KLF8: variants seen among roughly 807,000 people sequenced by gnomAD.
The protein encoded by KLF8 is Krueppel-like factor 8.
KLF8 carries 10 observed loss-of-function variants against 18.2 expected under a neutral mutation model. That is an observed-to-expected ratio of 0.55 (90% CI 0.34 to 0.93). The LOEUF (loss-of-function observed/expected upper bound fraction) is 0.93, where lower values mean the gene tolerates loss of function less well. Ranked by LOEUF, KLF8 falls within the 40% of genes least tolerant of loss-of-function variation. The pLI, the probability that KLF8 is intolerant of heterozygous loss-of-function variation, is 0.02. For synonymous variants in KLF8, 109 were observed against 97.3 expected (o/e 1.12, Z -0.71); for missense variants, 264 against 277.9 (o/e 0.95, Z 0.36).
the KLF8 span, among the ~76,000 whole-genome samples, chrX:56,226,706 T>A: frequency 1.8e-5 from 2 of 112,413 alleles, no homozygotes; most frequent in Middle Eastern, 9.2e-3. Flanking sequence ...TAAACAGGTA[T>A]CGTTGCTTAT....
the KLF8 span, among the ~76,000 whole-genome samples, chrX:56,144,218 C>T: frequency 1.8e-5 from 2 of 111,345 alleles, no homozygotes; most frequent in African/African-American, 3.3e-5. Flanking sequence ...AAAACAGGAA[C>T]TCATAGGAGA....
the KLF8 span, among the ~76,000 whole-genome samples, chrX:56,058,175 T>TATAC: frequency 4.4e-5 from 4 of 91,019 alleles, no homozygotes; most frequent in Admixed American, 1.3e-4. Flanking sequence ...TATATATATA[T>TATAC]ACACACATAT....
intron 1 of KLF8, among the ~76,000 whole-genome samples, chrX:56,238,144 G>A (rs2066500285): frequency 9.0e-6 from 1 of 111,420 alleles, no homozygotes; most frequent in African/African-American, 3.3e-5. Flanking sequence ...TTTAAAAGTT[G>A]GTTGATTGCC....
At chrX:56,165,873 A>G in the KLF8 span, among the ~76,000 whole-genome samples, 1 of 110,134 alleles carries the variant, frequency 9.1e-6, no homozygotes, top group Non-Finnish European at 1.9e-5. Flanking sequence ...AAAAAAAAAA[A>G]GCCTTCTTGA....
the KLF8 span, among the ~76,000 whole-genome samples, chrX:56,167,570 A>G: frequency 3.6e-5 from 4 of 112,110 alleles, no homozygotes; most frequent in Non-Finnish European, 5.6e-5. Context: ...AGAGCCAACT[A>G]GGAAACCCCC....
chrX:56,249,528 G>C (rs1338770331), intron 1 of KLF8, among the ~76,000 whole-genome samples: 1 of 111,571 alleles, frequency 9.0e-6, no homozygotes, highest in African/African-American at 3.3e-5. Context: ...TTCCATGGAA[G>C]CCTTAGGGTT....
chrX:56,087,799 G>A, the KLF8 span, among the ~76,000 whole-genome samples: 65 of 111,275 alleles, frequency 5.8e-4, no homozygotes, highest in Non-Finnish European at 1.2e-3. Context: ...AACTCTCAGA[G>A]GCTGATTATT....
At chrX:56,064,989 C>T in the KLF8 span, among the ~76,000 whole-genome samples, 12 of 111,467 alleles carry the variant, frequency 1.1e-4, no homozygotes, top group African/African-American at 2.3e-4. Flanking sequence ...CCTTTATATG[C>T]GCCTTTATGT....
At chrX:56,265,902 A>C in intron 3 of KLF8, 158 bp downstream of exon 3, 1 of 1,049,684 alleles carries the variant, frequency 9.5e-7, no homozygotes, top group Non-Finnish European at 1.2e-6. Flanking sequence ...TTTAATGCTT[A>C]AGAATGTACA....
chrX:56,080,083 G>C, the KLF8 span, among the ~76,000 whole-genome samples: 1 of 111,214 alleles, frequency 9.0e-6, no homozygotes, highest in Non-Finnish European at 1.9e-5. Flanking sequence ...GCACCCTGAT[G>C]GGTCTTGACT....
chrX:56,059,009 A>T, the KLF8 span, among the ~76,000 whole-genome samples: 1 of 111,895 alleles, frequency 8.9e-6, no homozygotes, highest in Admixed American at 9.4e-5. Flanking sequence ...CCTCTACAGC[A>T]TCTGTTGTTT....
the KLF8 span, among the ~76,000 whole-genome samples, chrX:56,192,912 C>T: frequency 3.0e-3 from 333 of 112,298 alleles, no homozygotes; most frequent in African/African-American, 0.01. Context: ...AGGACTTTGG[C>T]CTGGGCAAAA....
Position 56,285,921 on chromosome X carries a change from A to C in KLF8, c.*1427A>C, listed in dbSNP as rs1476993954. On this transcript the variant is annotated 3_prime_UTR_variant, in exon 6 of 6. Coordinates refer to ENST00000468660, the MANE Select transcript of KLF8 (RefSeq NM_007250.5). ...CTTTAAAAGATTGTCTTTATATTGAACACCTTTTTCTTTTCAACCCTGCTT... is the reference window on the plus strand; with the variant it reads ...CTTTAAAAGATTGTCTTTATATTGACCACCTTTTTCTTTTCAACCCTGCTT... The C allele has an allele frequency of 9.0e-6, 1 of 110,509 alleles. No individual in the cohort carries two copies. Among genetic ancestry groups the C allele is most frequent in the Non-Finnish European group, 1.9e-5 (1 of 52,873 alleles). 9.1% of individuals were successfully genotyped at this position (110,509 alleles called of 1,213,427 possible). A position where few individuals can be genotyped will look rare whatever the true frequency, so the allele number is the denominator to read the frequency against.
chrX:55,918,592 G>C, the KLF8 span, among the ~76,000 whole-genome samples: 2 of 112,421 alleles, frequency 1.8e-5, no homozygotes, highest in Non-Finnish European at 3.8e-5. Context: ...TATTGGCAAG[G>C]CCATGCTCCA....
chrX:56,007,926 A>G, the KLF8 span, among the ~76,000 whole-genome samples: 2 of 110,607 alleles, frequency 1.8e-5, no homozygotes, highest in Non-Finnish European at 3.8e-5. Flanking sequence ...ACAAACCTGA[A>G]GATGTACCCC....
chrX:56,021,213 T>C, the KLF8 span, among the ~76,000 whole-genome samples: 1 of 112,279 alleles, frequency 8.9e-6, no homozygotes, highest in Non-Finnish European at 1.9e-5. Flanking sequence ...ATCTATTTAT[T>C]TGTATGTATC....
intron 1 of KLF8, among the ~76,000 whole-genome samples, chrX:56,236,961 G>A (rs866884567): frequency 5.3e-5 from 4 of 75,223 alleles, no homozygotes; most frequent in African/African-American, 2.9e-4. Flanking sequence ...ATAGATAGAT[G>A]GATATATATA....
the KLF8 span, among the ~76,000 whole-genome samples, chrX:55,985,240 G>C: frequency 1.8e-5 from 2 of 111,593 alleles, no homozygotes; most frequent in Non-Finnish European, 3.8e-5. Context: ...TTTTCTTCTA[G>C]GACTTTTATA....
chrX:56,209,498 G>T, the KLF8 span, among the ~76,000 whole-genome samples: 2 of 111,096 alleles, frequency 1.8e-5, no homozygotes, highest in African/African-American at 6.5e-5. Context: ...TCATGGTGGT[G>T]AGTGCCTGTA....
Sources: gnomAD v4.1 joint callset for allele counts (sites outside exome capture counted in the v4.1 genomes callset) on GRCh38, gnomAD v4.1.1 for gene constraint, MANE v1.5 for transcripts, NCBI Gene and HGNC (gene_info 2026-07-23, HGNC 2026-07-21) for gene names.